The following SDR42E2 variants were observed in gnomAD, a reference collection of about 807,000 sequenced individuals.
SDR42E2 encodes the protein short chain dehydrogenase/reductase family 42E, member 2, also known as putative short-chain dehydrogenase/reductase family 42E member 2.
In SDR42E2, 20 loss-of-function variants were observed where a neutral mutation model predicts 10.5. The ratio of observed to expected loss-of-function variants is 1.90; its 90% CI spans 1.34 to 2.77. SDR42E2 has a LOEUF of 2.77. Ranked by LOEUF, SDR42E2 falls within the 30% of genes most tolerant of loss-of-function variation. The probability of loss-of-function intolerance (pLI) is 0.00; values close to 1 mark genes in which losing one functional copy is unlikely to be tolerated. For synonymous variants in SDR42E2, 72 were observed against 39.2 expected (o/e 1.84, Z -3.12); for missense variants, 162 against 104.2 (o/e 1.55, Z -2.42).
rs1429473171 is a variant in SDR42E2 at position 22,181,525 on chromosome 16, A to G, written c.679A>G (p.Ile227Val). Residue 227 changes from isoleucine to valine, a missense_variant, in exon 9 of 13, where the codon ATC becomes GTC. By Grantham distance (29) the Ile-to-Val change is conservative. Coordinates refer to ENST00000602312, the MANE Select transcript of SDR42E2 (RefSeq NM_001394319.2). ...QRHLPRVAGH[I>V]KKRLFMFRFG... ...ACCCACTCCTCTCCACCAGGGCCAC[A>G]TCAAGAAGAGGCTGTTCATGTTCCG... The G allele has an allele frequency of 8.5e-6, 6 of 703,076 alleles. No individual in the cohort carries two copies. In the East Asian group the frequency reaches 1.3e-4, roughly 16 times the overall value. 43.6% of individuals were successfully genotyped at this position (703,076 alleles called of 1,614,324 possible). A position where few individuals can be genotyped will look rare whatever the true frequency, so the allele number is the denominator to read the frequency against.
At position 22,182,222 on chromosome 16, in the gene SDR42E2, C is replaced by T. The variant is rs184248942; in HGVS notation, c.821C>T (p.Ala274Val). The change falls in exon 10 of 13, where the codon GCG (alanine) becomes GTG (valine). Residue 274 changes from alanine to valine, a missense_variant. Coordinates refer to ENST00000602312, the MANE Select transcript of SDR42E2 (RefSeq NM_001394319.2). ...ACATGTCCCCTTCAGAGTGGGCAGG[C>T]GTACTACATCAACGATGGGGAGAGC... ...TAKGYVASGQ[A>V]YYINDGESVN... 21 of 403,030 alleles carry T rather than the reference C, an allele frequency of 5.2e-5. No homozygotes were observed. The highest frequency in any genetic ancestry group is 6.2e-4 in the Middle Eastern group (2 of 3,222). 25.0% of individuals were successfully genotyped at this position (403,030 alleles called of 1,614,324 possible). A position where few individuals can be genotyped will look rare whatever the true frequency, so the allele number is the denominator to read the frequency against.
rs931662378 is a variant in SDR42E2 at position 22,179,014 on chromosome 16, G to A, written c.672+802G>A. Among the ~76,000 whole-genome samples the A allele has an allele frequency of 3.3e-5, 5 of 152,166 alleles. No individual in the cohort carries two copies. The East Asian group carries it at 5.8e-4, about 18-fold the overall frequency. ...TTGGCTATATGTCTTTTTGTTTATA[G>A]TCAGGGTCTCACTGTATCACCCAGG... is the stretch of plus-strand genomic sequence containing the variant. On this transcript the variant is annotated intron_variant, in intron 8 of 12. Coordinates refer to ENST00000602312, the MANE Select transcript of SDR42E2 (RefSeq NM_001394319.2).
chr16:22,173,144 G>A (rs776935731), intron 7 of SDR42E2, among the ~76,000 whole-genome samples: 8 of 152,098 alleles, frequency 5.3e-5, no homozygotes, highest in Non-Finnish European at 4.4e-5. Flanking sequence ...CAAATAGTCC[G>A]TATTTCTTGA....
At chr16:22,162,720 G>A (rs2142054282) in intron 1 of SDR42E2, among the ~76,000 whole-genome samples, 156 bp downstream of exon 1, 1 of 152,336 alleles carries the variant, frequency 6.6e-6, no homozygotes, top group South Asian at 2.1e-4. Flanking sequence ...CCTTTTGCCA[G>A]TTCCTTCCAC....
chr16:22,163,487 C>CTTGAGACCAGGAGT (rs1330222847), intron 1 of SDR42E2, among the ~76,000 whole-genome samples: 2 of 152,164 alleles, frequency 1.3e-5, no homozygotes, highest in Admixed American at 6.6e-5. Flanking sequence ...TGGCAGATCA[C>CTTGAGACCAGGAGT]TTGAGACCAG....
At chr16:22,173,838 A>C (rs1468443000) in intron 7 of SDR42E2, among the ~76,000 whole-genome samples, 2 of 149,706 alleles carry the variant, frequency 1.3e-5, no homozygotes, top group Admixed American at 6.7e-5. Context: ...CCTGGAGAAC[A>C]TGGCAAAACC....
At chr16:22,170,787 A>G (rs1410203017) in intron 5 of SDR42E2, 46 bp from the exon 6 acceptor site, 7 of 701,192 alleles carry the variant, frequency 1.0e-5, no homozygotes, top group Admixed American at 8.0e-5. Context: ...GTGTCTTTGC[A>G]TGTGTGTGTG....
chr16:22,175,213 ACTTT>A (rs2046634504), intron 7 of SDR42E2, among the ~76,000 whole-genome samples: 1 of 152,116 alleles, frequency 6.6e-6, no homozygotes, highest in East Asian at 1.9e-4. Context: ...TAATCCCAGC[ACTTT>A]GTGAGGCCAA....
In SDR42E2 at chr16:22,170,828, T is replaced by A. The variant is rs2046592861; in HGVS notation, c.395-5T>A. Reference sequence around the variant, plus strand: ...ATTTGTTGCTATGTGCACCTGCTGCTGCAGTCTGTGTTCGCCGGCGGGTTC... The same window carrying A: ...ATTTGTTGCTATGTGCACCTGCTGCAGCAGTCTGTGTTCGCCGGCGGGTTC... On this transcript the variant is annotated splice_region_variant and splice_polypyrimidine_tract_variant and intron_variant, in intron 5 of 12. Transcript: ENST00000602312. 1.4e-6 allele frequency: 1 copy of A among 702,922 alleles called. No homozygotes were observed. The highest frequency in any genetic ancestry group is 1.7e-5 in the African/African-American group (1 of 57,262). 43.5% of individuals were successfully genotyped at this position (702,922 alleles called of 1,614,324 possible).
chr16:22,163,939 G>A (rs184351262), intron 1 of SDR42E2, among the ~76,000 whole-genome samples: 1 of 152,146 alleles, frequency 6.6e-6, no homozygotes, highest in African/African-American at 2.4e-5. Flanking sequence ...ATGCAGGGCA[G>A]AGATGCACCT....
At chr16:22,169,385 C>G in intron 4 of SDR42E2, 60 bp from the exon 5 acceptor site, 1 of 702,788 alleles carries the variant, frequency 1.4e-6, no homozygotes. Flanking sequence ...GCTCAGCCTT[C>G]CAGCCTCAGC....
chr16:22,179,127 A>G (rs1422364279), intron 8 of SDR42E2, among the ~76,000 whole-genome samples: 1 of 152,040 alleles, frequency 6.6e-6, no homozygotes. Context: ...AGGTGTGACT[A>G]TAAGTGTGCA....
At chr16:22,177,885 C>T (rs1282142727) in intron 7 of SDR42E2, among the ~76,000 whole-genome samples, 1 of 147,676 alleles carries the variant, frequency 6.8e-6, no homozygotes, top group African/African-American at 2.5e-5. Context: ...TATTGGTCAT[C>T]CTTACATTCT....
chr16:22,168,415 G>A (rs1006975394), intron 4 of SDR42E2, among the ~76,000 whole-genome samples: 2 of 151,736 alleles, frequency 1.3e-5, no homozygotes, highest in Non-Finnish European at 2.9e-5. Flanking sequence ...ACAGTTGCAC[G>A]CCACCACACC....
chr16:22,169,585 T>C, intron 5 of SDR42E2, 83 bp downstream of exon 5: 1 of 702,044 alleles, frequency 1.4e-6, no homozygotes, highest in Admixed American at 2.0e-5. Flanking sequence ...TCCCAGGGTG[T>C]AGGGTCAAAG....
At chr16:22,187,819 C>T (rs1046780897) in intron 12 of SDR42E2, among the ~76,000 whole-genome samples, 3 of 151,936 alleles carry the variant, frequency 2.0e-5, no homozygotes, top group Admixed American at 2.0e-4. Context: ...CCAGTCCAGT[C>T]GGGCACGGTG....
intron 12 of SDR42E2, among the ~76,000 whole-genome samples, chr16:22,187,385 G>C (rs530664798): frequency 1.1e-4 from 17 of 152,222 alleles, no homozygotes; most frequent in South Asian, 4.1e-4. Flanking sequence ...GGGAGGCTGA[G>C]ACAGGAGGAT....
chr16:22,179,324 AG>A (rs2046673006), intron 8 of SDR42E2, among the ~76,000 whole-genome samples: 1 of 152,074 alleles, frequency 6.6e-6, no homozygotes, highest in Admixed American at 6.6e-5. Flanking sequence ...TGGGTTCTTA[AG>A]GAATGTGGTC....
intron 8 of SDR42E2, among the ~76,000 whole-genome samples, chr16:22,180,234 A>G (rs2046681457): frequency 6.6e-6 from 1 of 152,044 alleles, no homozygotes; most frequent in African/African-American, 2.4e-5. Context: ...TTGTACTTAG[A>G]ATTTTTAAAG....
Sources: allele counts gnomAD v4.1 joint callset (sites outside exome capture counted in the v4.1 genomes callset), GRCh38; gene constraint gnomAD v4.1.1; transcripts MANE v1.5; gene names NCBI Gene and HGNC (gene_info 2026-07-23, HGNC 2026-07-21).